The following GUF1 variants were observed in gnomAD, a reference collection of about 807,000 sequenced individuals.
GUF1 encodes the protein GTP binding elongation factor GUF1, also known as translation factor GUF1, mitochondrial.
Under a neutral mutation model 82.4 loss-of-function variants are expected in GUF1, and 78 were observed. The observed-to-expected ratio is 0.95, with a 90% CI of 0.79 to 1.14. GUF1 has a LOEUF of 1.14. GUF1 is among the 50% of genes most tolerant of loss of function. The pLI is 0.00. For missense variants in GUF1, 814 were observed against 798.2 expected (o/e 1.02, Z -0.24); for synonymous variants, 279 against 282.3 (o/e 0.99, Z 0.12).
At position 44,683,256 on chromosome 4, in the gene GUF1, C is replaced by T. The variant is rs755770447; in HGVS notation, c.607C>T (p.Pro203Ser). 3 of 1,581,112 alleles carry T rather than the reference C, an allele frequency of 1.9e-6. No homozygotes were observed. The highest frequency in any genetic ancestry group is 3.7e-5 in the Admixed American group (2 of 54,480). Residue 203 changes from proline (P) to serine (S), a missense_variant, in exon 6 of 17, where the codon CCT (proline) becomes TCT (serine). Transcript: ENST00000281543. ...INKIDLKNAD[P>S]ERVENQIEKV... ...AAAGATAGATCTGAAGAATGCTGAT[C>T]CTGAAAGGGTTGAAAACCAAATTGA...
chr4:44,687,698 G>A (rs1715145957), intron 8 of GUF1, among the ~76,000 whole-genome samples: 2 of 151,806 alleles, frequency 1.3e-5, no homozygotes, highest in South Asian at 4.2e-4. Flanking sequence ...TTATTATAAT[G>A]CTTTTGTACT....
At chr4:44,687,061 T>C (rs924604628) in intron 8 of GUF1, among the ~76,000 whole-genome samples, 13 of 151,986 alleles carry the variant, frequency 8.6e-5, no homozygotes, top group African/African-American at 2.9e-4. Context: ...GATTTTCCAA[T>C]GTAAAGGTGG....
chr4:44,689,119 A>C (rs776995762), intron 9 of GUF1, among the ~76,000 whole-genome samples, 167 bp from the exon 10 acceptor site: 1 of 151,722 alleles, frequency 6.6e-6, no homozygotes. Context: ...ATACTTTGAA[A>C]CCAAATAATC....
chr4:44,689,409 G>A lies in GUF1; in HGVS notation c.1202G>A (p.Arg401Lys), dbSNP rs751417927. The A allele has an allele frequency of 6.2e-7, 1 of 1,600,414 alleles. No individual in the cohort carries two copies. Among genetic ancestry groups the A allele is most frequent in the East Asian group, 2.3e-5 (1 of 44,360 alleles). Residue 401 changes from arginine to lysine, a missense_variant and splice_region_variant, in exon 10 of 17, where the codon AGG becomes AAG. Transcript: ENST00000281543. ...DSSLALGAGW[R>K]LGFLGLLHME... ...AGCCTTGCTCTGGGTGCTGGCTGGA[G>A]GTAAGATTCATTCACATGTGTTTTA...
Position 44,678,555 on chromosome 4 carries a change from C to G in GUF1, c.-68C>G. On this transcript the variant is annotated 5_prime_UTR_variant, in exon 1 of 17. Coordinates refer to ENST00000281543, the MANE Select transcript of GUF1 (RefSeq NM_021927.3). ...CACCGGATCCTACGGGGGGTACCTT[C>G]GAAAAAAAACGGGCTATGCTGCTGT... The G allele has an allele frequency of 7.7e-7, 1 of 1,297,748 alleles. No individual in the cohort carries two copies. The highest frequency in any genetic ancestry group is 1.0e-6 in the Non-Finnish European group (1 of 992,906). 80.4% of individuals were successfully genotyped at this position (1,297,748 alleles called of 1,614,324 possible).
intron 4 of GUF1, among the ~76,000 whole-genome samples, 159 bp downstream of exon 4, chr4:44,681,362 T>C (rs564980568): frequency 6.6e-6 from 1 of 152,254 alleles, no homozygotes; most frequent in Admixed American, 6.5e-5. Flanking sequence ...CCTGTTAATC[T>C]GAAATATTAT....
Position 44,690,813 on chromosome 4 carries a change from A to AT in GUF1, c.1434dup (p.Ile479TyrfsTer5), listed in dbSNP as rs1560346118. The AT allele has an allele frequency of 3.3e-5, 53 of 1,606,382 alleles. No individual in the cohort carries two copies. Among genetic ancestry groups the AT allele is most frequent in the Non-Finnish European group, 4.3e-5 (50 of 1,174,464 alleles). On this transcript the variant is annotated frameshift_variant, in exon 12 of 17. Coordinates refer to ENST00000281543, the MANE Select transcript of GUF1 (RefSeq NM_021927.3). LOFTEE classifies it high-confidence loss of function. ...TTTGGAGCCAGTTGTTTTGGGCACT[A>AT]TTATCACACCAGATGAATACACTGG...
chr4:44,687,290 G>T (rs566959668), intron 8 of GUF1, among the ~76,000 whole-genome samples: 1 of 151,968 alleles, frequency 6.6e-6, no homozygotes, highest in African/African-American at 2.4e-5. Flanking sequence ...TTCCTTGTCT[G>T]TAGAAATTAT....
intron 5 of GUF1, 90 bp downstream of exon 5, chr4:44,682,501 G>T: frequency 5.1e-6 from 3 of 592,654 alleles, no homozygotes; most frequent in Middle Eastern, 4.5e-4. Context: ...ATTATATGAG[G>T]GATCACCAGC....
Position 44,698,843 on chromosome 4 carries a change from T to G in GUF1, c.*162T>G, listed in dbSNP as rs574346112. On this transcript the variant is annotated 3_prime_UTR_variant, in exon 17 of 17. Coordinates refer to ENST00000281543, the MANE Select transcript of GUF1 (RefSeq NM_021927.3). The stretch of plus-strand genomic sequence containing the variant: ...AGTGGGTAGGCAAGAGCTTAGATTT[T>G]GAAGCCATGTTGCCTGTTCTCAAAT... 3.0e-5 allele frequency: 18 copies of G among 606,354 alleles called. No individual in the cohort carries two copies. Among genetic ancestry groups the G allele is most frequent in the Admixed American group, 1.6e-4 (5 of 30,454 alleles). 37.6% of individuals were successfully genotyped at this position (606,354 alleles called of 1,614,324 possible).
chr4:44,683,170 T>C (rs1714862488), intron 5 of GUF1, 65 bp from the exon 6 acceptor site: 7 of 984,668 alleles, frequency 7.1e-6, no homozygotes, highest in African/African-American at 5.2e-5. Context: ...TACCTCCGAA[T>C]ACTGTTAATA....
chr4:44,683,661 T>C (rs1714893495), intron 6 of GUF1, among the ~76,000 whole-genome samples: 1 of 152,148 alleles, frequency 6.6e-6, no homozygotes, highest in South Asian at 2.1e-4. Flanking sequence ...GTGGAAATAC[T>C]GTCTTTGAAG....
rs1715453776 is a variant in GUF1, at chr4:44,691,674, A to G, written c.1488A>G (p.Arg496=). Residue 496 remains arginine (R), a synonymous_variant, in exon 13 of 17, where the codon AGA becomes AGG. Coordinates refer to ENST00000281543, the MANE Select transcript of GUF1 (RefSeq NM_021927.3). The part of the protein sequence containing the change: ...GKIMMLCEAR[R]AVQKNMIFID... ...CTTCCTTCCCTTTTTAGGCTCGAAG[A>G]GCAGTTCAGAAGAATATGATATTTA... 1.9e-6 allele frequency: 3 copies of G among 1,587,832 alleles called. No individual in the cohort carries two copies. The highest frequency in any genetic ancestry group is 2.3e-5 in the South Asian group (2 of 87,740).
chr4:44,698,302 T>C (rs1200683058), intron 16 of GUF1, among the ~76,000 whole-genome samples: 2 of 152,138 alleles, frequency 1.3e-5, no homozygotes, highest in Non-Finnish European at 2.9e-5. Flanking sequence ...TTGATAATTC[T>C]TCCTTGACAT....
chr4:44,680,793 T>C lies in GUF1; in HGVS notation c.377T>C (p.Phe126Ser), dbSNP rs1457677238. ...GTTAAAGCACAGACAGCATCTCTCT[T>C]TTACAATTGTGAAGGAAAGCAGTAC... ...ITVKAQTASL[F>S]YNCEGKQYLL... Residue 126 changes from phenylalanine (F) to serine (S), a missense_variant, in exon 3 of 17, where the codon TTT becomes TCT. Coordinates refer to ENST00000281543, the MANE Select transcript of GUF1 (RefSeq NM_021927.3). The C allele has an allele frequency of 6.2e-7, 1 of 1,612,566 alleles. No homozygotes were observed. Among genetic ancestry groups the C allele is most frequent in the South Asian group, 1.1e-5 (1 of 90,920 alleles).
rs370862959 is a variant in GUF1 at position 44,695,734 on chromosome 4, C to A, written c.1835C>A (p.Thr612Asn). The A allele has an allele frequency of 6.2e-7, 1 of 1,607,440 alleles. No homozygotes were observed. Reference protein sequence around the residue: ...AIGSKIIARETVKAYRKNVLA... With the variant: ...AIGSKIIARENVKAYRKNVLA... ...GGAAGTAAAATCATTGCAAGAGAAACGTGAGTTGAAATTCATTTTTGGTCT... is the reference window on the plus strand; with the variant it reads ...GGAAGTAAAATCATTGCAAGAGAAAAGTGAGTTGAAATTCATTTTTGGTCT... The change falls in exon 15 of 17, where the codon ACT becomes AAT. Residue 612 changes from threonine (T) to asparagine (N), a missense_variant and splice_region_variant. Thr to Asn is a moderately conservative substitution (Grantham distance 65). Transcript: ENST00000281543.
intron 6 of GUF1, among the ~76,000 whole-genome samples, chr4:44,684,304 G>T (rs573715146): frequency 3.7e-4 from 56 of 152,198 alleles, no homozygotes; most frequent in African/African-American, 1.3e-3. Flanking sequence ...CTGAAACGTG[G>T]AGGAATGAAT....
At chr4:44,689,458 G>T (rs748515910) in intron 10 of GUF1, 49 bp downstream of exon 10, 3 of 1,499,682 alleles carry the variant, frequency 2.0e-6, no homozygotes, top group Non-Finnish European at 1.8e-6. Context: ...TGTAAATGGT[G>T]TATTTTAAAA....
chr4:44,690,094 T>G (rs1715339115), intron 11 of GUF1, 119 bp downstream of exon 11: 9 of 591,858 alleles, frequency 1.5e-5, no homozygotes, highest in Middle Eastern at 7.8e-4. Flanking sequence ...TGATTAAGTA[T>G]TAAACAAAAT....
Sources: gnomAD v4.1 joint callset for allele counts (sites outside exome capture counted in the v4.1 genomes callset) on GRCh38, gnomAD v4.1.1 for gene constraint, MANE v1.5 for transcripts, NCBI Gene and HGNC (gene_info 2026-07-23, HGNC 2026-07-21) for gene names.